PNPLA7: variants seen among roughly 807,000 people sequenced by gnomAD.
The protein encoded by PNPLA7 is patatin like domain 7, lysophospholipase.
A neutral mutation model predicts 161.7 loss-of-function variants in PNPLA7; 153 were observed. The observed-to-expected ratio is 0.95, with a 90% confidence interval of 0.83 to 1.08. PNPLA7 has a LOEUF of 1.08. Among genes scored for constraint, PNPLA7 ranks in the 50% least tolerant of loss-of-function variants. The pLI is 0.00. For synonymous variants in PNPLA7, 809 were observed against 782.1 expected (o/e 1.03, Z -0.57); for missense variants, 1,739 against 1,856.6 (o/e 0.94, Z 1.16).
intron 11 of PNPLA7, among the ~76,000 whole-genome samples, chr9:137,518,647 C>T (rs1378845691): frequency 1.2e-5 from 1 of 82,928 alleles, no homozygotes; most frequent in Non-Finnish European, 2.5e-5. Context: ...TCACTCCATC[C>T]CCCACTCACT....
At position 137,520,639 on chromosome 9, in the gene PNPLA7, G is replaced by A. The variant is rs1033108082; in HGVS notation, c.958-596C>T. On this transcript the variant is annotated intron_variant, in intron 10 of 34. Coordinates refer to ENST00000406427, the MANE Select transcript of PNPLA7 (RefSeq NM_001098537.3). This position sits in a 1 kb window ranked among gnomAD's most constrained non-coding sequence, Gnocchi z 5.2. ...CCTCCGCATATCAGGCTACTGTTTT[G>A]GGCAGTGGGGATGGAGCAGGGCACG... Among the ~76,000 whole-genome samples the A allele has an allele frequency of 6.6e-6, 1 of 152,162 alleles. No individual in the cohort carries two copies. The highest frequency in any genetic ancestry group is 1.5e-5 in the Non-Finnish European group (1 of 68,028).
intron 20 of PNPLA7, among the ~76,000 whole-genome samples, chr9:137,487,251 C>T (rs978557480): frequency 1.6e-4 from 24 of 152,352 alleles, no homozygotes; most frequent in Admixed American, 3.3e-4. Context: ...GTTCACAGAC[C>T]GCACCCAGCT....
chr9:137,540,530 C>G lies in PNPLA7; in HGVS notation c.747+112G>C. 1.1e-6 allele frequency: 1 copy of G among 948,372 alleles called. No homozygotes were observed. Among genetic ancestry groups the G allele is most frequent in the Non-Finnish European group, 1.6e-6 (1 of 621,318 alleles). 58.7% of individuals were successfully genotyped at this position (948,372 alleles called of 1,614,324 possible). On this transcript the variant is annotated intron_variant, in intron 8 of 34. Transcript: ENST00000406427. The surrounding 1 kb of genome is among the most constrained non-coding windows in gnomAD (Gnocchi z 5.1). ...GGACCAAACCCTGCTCCCCTCACAT[C>G]ACTGTGGAGAACTGGCCTTTAACCA...
rs999979127 is a variant in PNPLA7 at position 137,523,776 on chromosome 9, G to A, written c.748-919C>T. On this transcript the variant is annotated intron_variant, in intron 8 of 34. Transcript: ENST00000406427. The surrounding 1 kb of genome is among the most constrained non-coding windows in gnomAD (Gnocchi z 4.4). ...ACAGTAGCTGGGGCTACAAGCGCCC[G>A]CCACCACGCCCGGCTAATTTGTTTT... Among the ~76,000 whole-genome samples the A allele has an allele frequency of 5.5e-4, 83 of 152,194 alleles. No individual in the cohort carries two copies. Among genetic ancestry groups the A allele is most frequent in the African/African-American group, 1.4e-3 (59 of 41,526 alleles).
intron 4 of PNPLA7, among the ~76,000 whole-genome samples, chr9:137,545,241 C>G (rs1376248046): frequency 1.3e-5 from 2 of 152,316 alleles, no homozygotes; most frequent in African/African-American, 4.8e-5. Flanking sequence ...GTTCCGGAAC[C>G]ACCCAGACAT....
intron 20 of PNPLA7, among the ~76,000 whole-genome samples, chr9:137,489,720 ACT>A (rs755857518): frequency 2.0e-5 from 3 of 151,966 alleles, no homozygotes; most frequent in Non-Finnish European, 4.4e-5. Context: ...TTTTTTTAAA[ACT>A]CTCTGATAGG....
intron 26 of PNPLA7, among the ~76,000 whole-genome samples, chr9:137,466,553 C>T (rs1831473188): frequency 6.6e-6 from 1 of 151,302 alleles, no homozygotes; most frequent in Non-Finnish European, 1.5e-5. Flanking sequence ...TCCACCATCT[C>T]AGACCCCGGC....
At position 137,497,268 on chromosome 9, in the gene PNPLA7, G is replaced by A; in HGVS notation, c.1932C>T (p.Gly644=). 1.3e-6 allele frequency: 2 copies of A among 1,588,268 alleles called. No individual in the cohort carries two copies. The highest frequency in any genetic ancestry group is 1.1e-5 in the South Asian group (1 of 86,980). The part of the protein sequence containing the change: ...KSDCTYIMLS[G]RLRSVIRKDD... ...CCTTCCGGATCACAGAGCGCAGCCG[G>A]CCGCTGAGCATGATGTACGTGCAGT... The change falls in exon 18 of 35, where the codon GGC becomes GGT. Residue 644 remains glycine, a synonymous_variant. Transcript: ENST00000406427.
chr9:137,485,710 G>C (rs568142295), intron 20 of PNPLA7, among the ~76,000 whole-genome samples: 1 of 152,256 alleles, frequency 6.6e-6, no homozygotes, highest in Non-Finnish European at 1.5e-5. Flanking sequence ...AGACCCCGGA[G>C]ACGCGAGTGA....
chr9:137,480,769 T>A (rs1832178884), intron 22 of PNPLA7, 191 bp downstream of exon 22: 1 of 777,144 alleles, frequency 1.3e-6, no homozygotes, highest in Non-Finnish European at 2.0e-6. Flanking sequence ...CTGGGAGGCC[T>A]GACAGTGCCC....
intron 8 of PNPLA7, among the ~76,000 whole-genome samples, chr9:137,534,729 C>T (rs1467338116): frequency 6.6e-6 from 1 of 152,210 alleles, no homozygotes; most frequent in Non-Finnish European, 1.5e-5. Flanking sequence ...ACGCTGTTTT[C>T]GTTTTGTAGT....
chr9:137,487,144 G>C (rs1832527177), intron 20 of PNPLA7, among the ~76,000 whole-genome samples: 1 of 152,248 alleles, frequency 6.6e-6, no homozygotes, highest in Non-Finnish European at 1.5e-5. Context: ...GGTAAGCCAG[G>C]GATGGACGGT....
intron 26 of PNPLA7, among the ~76,000 whole-genome samples, chr9:137,466,608 T>C (rs371851351): frequency 0.028 from 1,530 of 54,606 alleles, 3 homozygotes; most frequent in African/African-American, 0.056. Flanking sequence ...AACTCAGACC[T>C]GGGCACGGAT....
At chr9:137,478,880 C>G in intron 24 of PNPLA7, 176 bp downstream of exon 24, 1 of 950,640 alleles carries the variant, frequency 1.1e-6, no homozygotes, top group East Asian at 3.0e-5. Flanking sequence ...CCGTGGCCAC[C>G]AGAGGCCCAA....
At chr9:137,491,239 C>A (rs572875791) in intron 20 of PNPLA7, among the ~76,000 whole-genome samples, 4 of 152,160 alleles carry the variant, frequency 2.6e-5, no homozygotes, top group East Asian at 1.9e-4. Context: ...CCACTGCACT[C>A]CAACCTAGAC....
chr9:137,462,283 C>G lies in PNPLA7; in HGVS notation c.3541G>C (p.Val1181Leu), dbSNP rs926468339. The change falls in exon 31 of 35, where the codon GTG (valine) becomes CTG (leucine). Residue 1181 changes from valine to leucine, a missense_variant. By Grantham distance (32) the Val-to-Leu change is conservative. Transcript: ENST00000406427. The stretch of plus-strand genomic sequence containing the variant: ...CTCTTCACCACCTCCAGCTGCCGCA[C>G]GCAACACACGTAGGCCAGGCGCGTC... ...IQTRLAYVCC[V>L]RQLEVVKSSD... The G allele has an allele frequency of 6.2e-7, 1 of 1,611,834 alleles. No individual in the cohort carries two copies. Among genetic ancestry groups the G allele is most frequent in the East Asian group, 2.2e-5 (1 of 44,854 alleles).
intron 11 of PNPLA7, among the ~76,000 whole-genome samples, chr9:137,517,486 C>A (rs1834666454): frequency 2.2e-5 from 1 of 46,506 alleles, no homozygotes; most frequent in Non-Finnish European, 4.5e-5. Flanking sequence ...CCGTCACTCA[C>A]TCCACTCTGT....
At position 137,505,732 on chromosome 9, in the gene PNPLA7, A is replaced by G; in HGVS notation, c.1355T>C (p.Ile452Thr). ...KSRKSVMVAE[I>T]PSTVSQHSES... ...TGAGTGCTGGGAGACCGTGGAGGGTATCTCTGCAACCATCACGCTTTTCCT... is the reference window on the plus strand; with the variant it reads ...TGAGTGCTGGGAGACCGTGGAGGGTGTCTCTGCAACCATCACGCTTTTCCT... Residue 452 changes from isoleucine (I) to threonine (T), a missense_variant, in exon 14 of 35, where the codon ATA becomes ACA. Transcript: ENST00000406427. 1 of 1,614,088 alleles carries G rather than the reference A, an allele frequency of 6.2e-7. No individual in the cohort carries two copies. Among genetic ancestry groups the G allele is most frequent in the East Asian group, 2.2e-5 (1 of 44,888 alleles).
In PNPLA7 at chr9:137,462,191, G is replaced by T. The variant is rs755432657; in HGVS notation, c.3633C>A (p.Phe1211Leu). ...DSYSTLDFGK[F>L]NEICEVGYQH... ...GGCCGGCACTCACGCAGATCTCGTT[G>T]AACTTGCCGAAGTCCAGGGTGCTGT... The change falls in exon 31 of 35, where the codon TTC becomes TTA. Residue 1211 changes from phenylalanine to leucine, a missense_variant. By Grantham distance (22) the Phe-to-Leu change is conservative. Coordinates refer to ENST00000406427, the MANE Select transcript of PNPLA7 (RefSeq NM_001098537.3). 1 of 1,568,138 alleles carries T rather than the reference G, an allele frequency of 6.4e-7. No individual in the cohort carries two copies. The highest frequency in any genetic ancestry group is 1.2e-5 in the South Asian group (1 of 86,030).
Sources: allele counts gnomAD v4.1 joint callset (sites outside exome capture counted in the v4.1 genomes callset), GRCh38; gene constraint gnomAD v4.1.1; non-coding constraint Gnocchi (gnomAD v3.1); transcripts MANE v1.5; gene names NCBI Gene and HGNC (gene_info 2026-07-23, HGNC 2026-07-21).